MACROD2: variants seen among roughly 807,000 people sequenced by gnomAD.
MACROD2 encodes the protein mono-ADP ribosylhydrolase 2.
A neutral mutation model predicts 70.4 loss-of-function variants in MACROD2; 36 were observed. That is an observed-to-expected ratio of 0.51 (90% CI 0.39 to 0.68). The LOEUF (loss-of-function observed/expected upper bound fraction) is 0.68, where lower values mean the gene tolerates loss of function less well. MACROD2 is among the 30% of genes least tolerant of loss of function. MACROD2 has a pLI of 0.00. For synonymous variants in MACROD2, 172 were observed against 178.8 expected, an observed-to-expected ratio of 0.96 and a Z score of 0.30; for missense variants, 496 against 538.4, an observed-to-expected ratio of 0.92 and a Z score of 0.78.
intron 12 of MACROD2, among the ~76,000 whole-genome samples, chr20:15,951,187 G>T (rs2065898519): frequency 6.6e-6 from 1 of 152,036 alleles, no homozygotes; most frequent in East Asian, 1.9e-4. Flanking sequence ...AAGGGATGTA[G>T]CCTATCTTAG....
chr20:15,970,637 T>G (rs1486965693), intron 13 of MACROD2, among the ~76,000 whole-genome samples: 1 of 151,772 alleles, frequency 6.6e-6, no homozygotes, highest in East Asian at 1.9e-4. Flanking sequence ...GAGGTGAGAG[T>G]CCTGGGAGGC....
rs902698034 is a variant in MACROD2 at position 14,847,719 on chromosome 20, T to C, written c.418+162760T>C. Among the ~76,000 whole-genome samples the C allele has an allele frequency of 5.3e-5, 8 of 152,258 alleles. No homozygotes were observed. In the East Asian group the frequency reaches 1.5e-3, roughly 29 times the overall value. ...CAATTTTGAGTGCATACTTTTTGCTTATAATTATAATGTGAATTTAAATAG... is the reference window on the plus strand; with the variant it reads ...CAATTTTGAGTGCATACTTTTTGCTCATAATTATAATGTGAATTTAAATAG... On this transcript the variant is annotated intron_variant, in intron 5 of 17. Transcript: ENST00000684519.
At chr20:14,044,754 C>A (rs1370448518) in intron 2 of MACROD2, among the ~76,000 whole-genome samples, 1 of 152,226 alleles carries the variant, frequency 6.6e-6, no homozygotes, top group Admixed American at 6.5e-5. Context: ...CTCAGGAGCC[C>A]CGCTGGCTTC....
intron 5 of MACROD2, among the ~76,000 whole-genome samples, chr20:15,010,740 A>C (rs2075076441): frequency 6.6e-6 from 1 of 152,238 alleles, no homozygotes; most frequent in African/African-American, 2.4e-5. Flanking sequence ...ACAATAAACC[A>C]GCAAGTAAAT....
At chr20:14,823,745 A>G (rs1223915641) in intron 5 of MACROD2, among the ~76,000 whole-genome samples, 1 of 152,122 alleles carries the variant, frequency 6.6e-6, no homozygotes, top group Non-Finnish European at 1.5e-5. Flanking sequence ...GTGTAATACC[A>G]TCCCAAATCC....
chr20:14,304,788 T>C (rs1432975696), intron 3 of MACROD2, among the ~76,000 whole-genome samples: 2 of 150,362 alleles, frequency 1.3e-5, no homozygotes, highest in African/African-American at 4.9e-5. Context: ...TTTTTTTTGG[T>C]CTGTATAAAA....
intron 3 of MACROD2, among the ~76,000 whole-genome samples, chr20:14,442,598 A>T (rs2084136069): frequency 1.3e-5 from 2 of 152,070 alleles, no homozygotes; most frequent in Admixed American, 1.3e-4. Context: ...ATGGGAATTA[A>T]TAATGAATGC....
intron 8 of MACROD2, among the ~76,000 whole-genome samples, chr20:15,758,088 G>A (rs1039787838): frequency 6.6e-6 from 1 of 151,944 alleles, no homozygotes; most frequent in Non-Finnish European, 1.5e-5. Context: ...TCTTAGGATA[G>A]ACAGTTGCTT....
At chr20:15,662,652 G>C (rs1328986158) in intron 8 of MACROD2, among the ~76,000 whole-genome samples, 1 of 151,270 alleles carries the variant, frequency 6.6e-6, no homozygotes, top group Non-Finnish European at 1.5e-5. Context: ...TTGAAAGTGA[G>C]AATCATTAGA....
intron 5 of MACROD2, among the ~76,000 whole-genome samples, chr20:14,830,416 A>G (rs566550714): frequency 6.6e-6 from 1 of 152,160 alleles, no homozygotes; most frequent in East Asian, 1.9e-4. Flanking sequence ...AGATTTAAAA[A>G]ATCATATTCT....
intron 5 of MACROD2, among the ~76,000 whole-genome samples, chr20:14,756,888 C>A (rs142820616): frequency 1.3e-5 from 2 of 151,974 alleles, no homozygotes; most frequent in Admixed American, 1.3e-4. Flanking sequence ...TGGGATCTGA[C>A]GGTCTTATAA....
intron 15 of MACROD2, among the ~76,000 whole-genome samples, chr20:16,009,156 C>A (rs1487210549): frequency 1.3e-5 from 2 of 151,914 alleles, no homozygotes; most frequent in Non-Finnish European, 1.5e-5. Flanking sequence ...CAAAAATGAA[C>A]CTGCTAACTT....
intron 5 of MACROD2, among the ~76,000 whole-genome samples, chr20:14,972,353 G>T (rs1004289443): frequency 6.6e-6 from 1 of 152,092 alleles, no homozygotes; most frequent in African/African-American, 2.4e-5. Flanking sequence ...AAATACAATC[G>T]ATTATACCCT....
chr20:14,705,743 T>C (rs2071261315), intron 5 of MACROD2, among the ~76,000 whole-genome samples: 1 of 152,218 alleles, frequency 6.6e-6, no homozygotes, highest in Non-Finnish European at 1.5e-5. Context: ...AATTCTAAAT[T>C]CATTCATAGC....
intron 7 of MACROD2, among the ~76,000 whole-genome samples, chr20:15,454,366 C>T (rs2046687153): frequency 6.6e-6 from 1 of 151,066 alleles, no homozygotes; most frequent in Non-Finnish European, 1.5e-5. Flanking sequence ...CTCTCATGTT[C>T]CCCTAACAAA....
intron 3 of MACROD2, among the ~76,000 whole-genome samples, chr20:14,489,692 A>T (rs1482144686): frequency 6.6e-6 from 1 of 152,342 alleles, no homozygotes; most frequent in Non-Finnish European, 1.5e-5. Flanking sequence ...AAAGCAAACA[A>T]AACTCTGTAC....
At chr20:14,370,156 C>T (rs1275797464) in intron 3 of MACROD2, among the ~76,000 whole-genome samples, 1 of 151,810 alleles carries the variant, frequency 6.6e-6, no homozygotes, top group African/African-American at 2.4e-5. Flanking sequence ...GACTGCTGCT[C>T]AATAGTTTAC....
chr20:16,027,459 T>C (rs903546764), intron 15 of MACROD2, among the ~76,000 whole-genome samples: 1 of 152,220 alleles, frequency 6.6e-6, no homozygotes, highest in Non-Finnish European at 1.5e-5. Flanking sequence ...GATTAAGTTA[T>C]TCTTTGACTG....
chr20:14,697,832 A>G (rs1047179985), intron 5 of MACROD2, among the ~76,000 whole-genome samples: 1 of 152,222 alleles, frequency 6.6e-6, no homozygotes, highest in Non-Finnish European at 1.5e-5. Context: ...AAAGCTGGAA[A>G]GAAATCTGGA....
Sources: allele counts gnomAD v4.1 joint callset (sites outside exome capture counted in the v4.1 genomes callset), GRCh38; gene constraint gnomAD v4.1.1; transcripts MANE v1.5; gene names NCBI Gene and HGNC (gene_info 2026-07-23, HGNC 2026-07-21).